The following GCSAML variants were observed in gnomAD, a reference collection of about 807,000 sequenced individuals.
GCSAML encodes germinal center-associated signaling and motility-like protein.
Under a neutral mutation model 13.0 loss-of-function variants are expected in GCSAML, and 9 were observed. The ratio of observed to expected loss-of-function variants is 0.69; its 90% CI spans 0.42 to 1.21. GCSAML has a LOEUF of 1.21. Ranked by LOEUF, GCSAML falls within the 50% of genes most tolerant of loss-of-function variation. The pLI, the probability that GCSAML is intolerant of heterozygous loss-of-function variation, is 0.00. For missense variants in GCSAML, 143 were observed against 153.4 expected, an observed-to-expected ratio of 0.93 and a Z score of 0.36; for synonymous variants, 37 against 52.9, an observed-to-expected ratio of 0.70 and a Z score of 1.31.
intron 4 of GCSAML, among the ~76,000 whole-genome samples, chr1:247,568,145 G>T (rs1668458610): frequency 6.6e-6 from 1 of 152,158 alleles, no homozygotes; most frequent in South Asian, 2.1e-4. Context: ...TCTGATGATA[G>T]TTCCTTTTGC....
intron 1 of GCSAML, among the ~76,000 whole-genome samples, chr1:247,513,083 T>C (rs1666096644): frequency 6.6e-6 from 1 of 152,090 alleles, no homozygotes; most frequent in Admixed American, 6.5e-5. Context: ...CAGGCAGAAA[T>C]GTTTGTCTGC....
chr1:247,533,024 G>C (rs1446046836), intron 2 of GCSAML, among the ~76,000 whole-genome samples: 5 of 152,188 alleles, frequency 3.3e-5, no homozygotes, highest in Non-Finnish European at 7.3e-5. Flanking sequence ...GGTCATTCAT[G>C]TGATGAACCA....
chr1:247,515,605 G>A (rs1187642929), intron 1 of GCSAML, among the ~76,000 whole-genome samples: 1 of 152,142 alleles, frequency 6.6e-6, no homozygotes. Flanking sequence ...AGGCTGTACG[G>A]GAATCATGAC....
intron 2 of GCSAML, among the ~76,000 whole-genome samples, chr1:247,558,621 C>G (rs887547891): frequency 1.4e-4 from 21 of 152,118 alleles, no homozygotes; most frequent in African/African-American, 5.1e-4. Flanking sequence ...TTATTGCATT[C>G]TTATTTTTGC....
At position 247,567,772 on chromosome 1, in the gene GCSAML, G is replaced by A. The variant is rs1668444016; in HGVS notation, c.168+1813G>A. ...TGCCACACTGTCTTCCTCAATGGTT[G>A]AACTAGTTTATACTCCCACCAACAG... On this transcript the variant is annotated intron_variant, in intron 4 of 4. Coordinates refer to ENST00000366488, the MANE Select transcript of GCSAML (RefSeq NM_145278.5). Among the ~76,000 whole-genome samples the A allele has an allele frequency of 2.0e-5, 3 of 152,134 alleles. No individual in the cohort carries two copies. In the South Asian group the frequency reaches 6.2e-4, roughly 32 times the overall value.
intron 1 of GCSAML, among the ~76,000 whole-genome samples, chr1:247,552,785 T>C (rs1171184798): frequency 6.6e-6 from 1 of 152,226 alleles, no homozygotes; most frequent in African/African-American, 2.4e-5. Context: ...AGATGGAGTC[T>C]TGCTCTGTCA....
At chr1:247,549,115 T>A, upstream of GCSAML, 1 of 1,613,882 alleles carries the variant, frequency 6.2e-7, no homozygotes, top group Non-Finnish European at 8.5e-7. Context: ...TCATGCATTT[T>A]CCTCTTGGTG....
In GCSAML at chr1:247,576,349, A is replaced by G. The variant is rs1206714685; in HGVS notation, c.*1967A>G. The G allele has an allele frequency of 6.6e-6, 1 of 152,210 alleles. No homozygotes were observed. Among genetic ancestry groups the G allele is most frequent in the Admixed American group, 6.5e-5 (1 of 15,284 alleles). 9.4% of individuals were successfully genotyped at this position (152,210 alleles called of 1,614,324 possible). On this transcript the variant is annotated 3_prime_UTR_variant, in exon 5 of 5. Coordinates refer to ENST00000366488, the MANE Select transcript of GCSAML (RefSeq NM_145278.5). ...CTCTTGAGCCCAGGAGTTTGAGGCC[A>G]GACTGCACAACACAGTGAGACCTCG...
In GCSAML at chr1:247,574,393, C is replaced by T; in HGVS notation, c.*11C>T. On this transcript the variant is annotated 3_prime_UTR_variant, in exon 5 of 5. Coordinates refer to ENST00000366488, the MANE Select transcript of GCSAML (RefSeq NM_145278.5). ...GTGTTTCCACACTAAAATCCTCAAG[C>T]TGCTTTATCACCTTCCAGCAATGAA... 6.2e-7 allele frequency: 1 copy of T among 1,613,112 alleles called. No individual in the cohort carries two copies. The highest frequency in any genetic ancestry group is 8.5e-7 in the Non-Finnish European group (1 of 1,179,468).
At chr1:247,531,991 C>A in intron 2 of GCSAML, 1 of 1,614,002 alleles carries the variant, frequency 6.2e-7, no homozygotes, top group Non-Finnish European at 8.5e-7. Flanking sequence ...GTGGTCGATG[C>A]AATTGTTCCC....
chr1:247,540,409 T>C (rs1407684504), intron 2 of GCSAML, among the ~76,000 whole-genome samples: 1 of 152,234 alleles, frequency 6.6e-6, no homozygotes, highest in African/African-American at 2.4e-5. Context: ...TTTTCCCTGA[T>C]GGTGTTACTT....
Position 247,515,158 on chromosome 1 carries a change from C to A in GCSAML, c.-263+7925C>A, listed in dbSNP as rs546970864. ...TTTTAAAATGCTGCCATTTGACCAT[C>A]ATAGAACTAGAATATGTGGACTATG... is the stretch of plus-strand genomic sequence containing the variant. On this transcript the variant is annotated intron_variant, in intron 1 of 5. Transcript: ENST00000366489. Among the ~76,000 whole-genome samples the A allele has an allele frequency of 2.0e-5, 3 of 152,220 alleles. No individual in the cohort carries two copies. In the South Asian group the frequency reaches 6.2e-4, roughly 32 times the overall value.
intron 3 of GCSAML, 43 bp downstream of exon 3, chr1:247,563,682 A>G (rs916968384): frequency 6.2e-6 from 7 of 1,120,478 alleles, no homozygotes; most frequent in Non-Finnish European, 9.5e-6. Flanking sequence ...AGGGAAGTGC[A>G]AATTTAAGCA....
chr1:247,558,029 A>T (rs1042742642), intron 2 of GCSAML, among the ~76,000 whole-genome samples: 3 of 152,240 alleles, frequency 2.0e-5, no homozygotes, highest in African/African-American at 7.2e-5. Context: ...AACATTTTCA[A>T]ATACCAGCAA....
intron 4 of GCSAML, among the ~76,000 whole-genome samples, chr1:247,570,248 G>A (rs1003679075): frequency 2.0e-5 from 3 of 152,046 alleles, no homozygotes; most frequent in African/African-American, 7.2e-5. Context: ...TCTTCTGCTA[G>A]CTTTTGAATT....
At chr1:247,552,582 G>A (rs1458730635) in intron 1 of GCSAML, among the ~76,000 whole-genome samples, 1 of 152,184 alleles carries the variant, frequency 6.6e-6, no homozygotes, top group African/African-American at 2.4e-5. Flanking sequence ...ACCCTCTTTA[G>A]TCTTTATTTC....
intron 1 of GCSAML, among the ~76,000 whole-genome samples, chr1:247,511,906 G>GT (rs901973073): frequency 1.3e-5 from 2 of 152,176 alleles, no homozygotes; most frequent in Non-Finnish European, 2.9e-5. Context: ...CCCTTTGTTG[G>GT]TAACCCGACC....
intron 1 of GCSAML, among the ~76,000 whole-genome samples, chr1:247,520,815 C>T (rs980824451): frequency 3.3e-5 from 5 of 152,122 alleles, no homozygotes; most frequent in Non-Finnish European, 7.4e-5. Context: ...AAATTATAGA[C>T]ATTGCAAAAA....
At chr1:247,542,202 G>C (rs574293521) in intron 2 of GCSAML, among the ~76,000 whole-genome samples, 98 of 152,290 alleles carry the variant, frequency 6.4e-4, no homozygotes, top group Admixed American at 1.2e-3. Flanking sequence ...TTTGAGCCCA[G>C]GAGTTCTAAG....
Sources: gnomAD v4.1 joint callset for allele counts (sites outside exome capture counted in the v4.1 genomes callset) on GRCh38, gnomAD v4.1.1 for gene constraint, MANE v1.5 for transcripts, NCBI Gene and HGNC (gene_info 2026-07-23, HGNC 2026-07-21) for gene names.